The following EPC1 variants were observed in gnomAD, a reference collection of about 807,000 sequenced individuals.
EPC1 encodes the protein enhancer of polycomb 1, also known as enhancer of polycomb homolog 1.
A neutral mutation model predicts 98.4 loss-of-function variants in EPC1; 12 were observed. That is an observed-to-expected ratio of 0.12 (90% CI 0.08 to 0.20). EPC1 has a LOEUF of 0.20. Among genes scored for constraint, EPC1 ranks in the 10% least tolerant of loss-of-function variants. The pLI is 1.00. For synonymous variants in EPC1, 357 were observed against 363.9 expected, an observed-to-expected ratio of 0.98 and a Z score of 0.21; for missense variants, 729 against 990.5, an observed-to-expected ratio of 0.74 and a Z score of 3.54.
chr10:32,344,266 CTG>C (rs2133050155), intron 1 of EPC1, among the ~76,000 whole-genome samples: 1 of 152,346 alleles, frequency 6.6e-6, no homozygotes, highest in Admixed American at 6.5e-5. Flanking sequence ...AACCACAGGA[CTG>C]TAAAGCAGCT....
intron 1 of EPC1, 187 bp downstream of exon 1, chr10:32,346,576 C>A (rs1838832684): frequency 1.6e-6 from 1 of 623,716 alleles, no homozygotes; most frequent in Admixed American, 3.0e-5. Flanking sequence ...TTAGAAGGGG[C>A]CCCGCTGGGC....
intron 1 of EPC1, among the ~76,000 whole-genome samples, chr10:32,372,120 A>T (rs754879965): frequency 6.6e-6 from 1 of 152,196 alleles, no homozygotes; most frequent in Non-Finnish European, 1.5e-5. Flanking sequence ...CAGTGTTCTC[A>T]AATGTTGCTG....
intron 2 of EPC1, among the ~76,000 whole-genome samples, chr10:32,297,598 A>C (rs888805946): frequency 2.0e-5 from 3 of 150,136 alleles, no homozygotes; most frequent in African/African-American, 7.4e-5. Flanking sequence ...ATAATTCTTA[A>C]ATAATAACGA....
chr10:32,330,294 T>G (rs991074129), intron 1 of EPC1, among the ~76,000 whole-genome samples: 1 of 152,200 alleles, frequency 6.6e-6, no homozygotes, highest in South Asian at 2.1e-4. Flanking sequence ...CAATAACATC[T>G]GAAATATTTG....
At chr10:32,326,253 T>A (rs1837268984) in intron 1 of EPC1, among the ~76,000 whole-genome samples, 1 of 152,218 alleles carries the variant, frequency 6.6e-6, no homozygotes, top group Non-Finnish European at 1.5e-5. Context: ...GGCTGTCGTG[T>A]GGCTGGGAGG....
intron 9 of EPC1, chr10:32,286,489 A>G: frequency 1.8e-6 from 1 of 563,744 alleles, no homozygotes; most frequent in Non-Finnish European, 3.0e-6. Context: ...CAGGTCCACT[A>G]GGGACCCAAT....
At chr10:32,293,245 A>T (rs138416073) in intron 3 of EPC1, 51 bp from the exon 4 acceptor site, 3 of 1,342,366 alleles carry the variant, frequency 2.2e-6, no homozygotes, top group Non-Finnish European at 3.1e-6. Context: ...TACAAGGTTC[A>T]TAAGTATTTA....
chr10:32,272,360 A>C (rs1403959204), intron 11 of EPC1, 193 bp from the exon 12 acceptor site: 1 of 507,274 alleles, frequency 2.0e-6, no homozygotes, highest in Non-Finnish European at 3.4e-6. Context: ...ATAAGTGAAA[A>C]GTAATCTAAG....
chr10:32,291,380 G>T, intron 5 of EPC1, 58 bp from the exon 6 acceptor site: 1 of 1,319,944 alleles, frequency 7.6e-7, no homozygotes, highest in Non-Finnish European at 1.1e-6. Flanking sequence ...ACAATGTGAT[G>T]TTTTGATATA....
rs1431266774 is a variant in EPC1, at chr10:32,284,732, C to A, written c.1710G>T (p.Thr570=). Residue 570 remains threonine (T), a synonymous_variant, in exon 10 of 14, where the codon ACG becomes ACT. Transcript: ENST00000319778. The stretch of plus-strand genomic sequence containing the variant: ...CTGAACCACTGCTACTTTTACTTTG[C>A]GTAGAGGTACTGCATGTCTGGGTCC... The part of the protein sequence containing the change: ...QPGTQTCSTS[T]QSKSSSGSAH... The A allele has an allele frequency of 6.2e-7, 1 of 1,613,896 alleles. No homozygotes were observed. Among genetic ancestry groups the A allele is most frequent in the Non-Finnish European group, 8.5e-7 (1 of 1,179,864 alleles).
intron 1 of EPC1, among the ~76,000 whole-genome samples, chr10:32,373,857 T>A (rs761989140): frequency 2.0e-5 from 3 of 152,226 alleles, no homozygotes; most frequent in Admixed American, 6.5e-5. Context: ...GCCACCTGAT[T>A]ACATATTTAG....
intron 1 of EPC1, among the ~76,000 whole-genome samples, chr10:32,327,890 C>T (rs1297541485): frequency 6.6e-6 from 1 of 152,168 alleles, no homozygotes; most frequent in African/African-American, 2.4e-5. Flanking sequence ...CTATGCAGAA[C>T]ATAAATGTAT....
In EPC1 at chr10:32,269,097, A is replaced by T; in HGVS notation, c.2408T>A (p.Ile803Lys). ...CTCCATCGCTACTGTGTTGTCTGCTATGTTGTTCAGTGCTGGCTTTTCTGA... is the reference window on the plus strand; with the variant it reads ...CTCCATCGCTACTGTGTTGTCTGCTTTGTTGTTCAGTGCTGGCTTTTCTGA... The part of the protein sequence containing the change: ...HESEKPALNN[I>K]ADNTVAMEVT The change falls in exon 14 of 14, where the codon ATA becomes AAA. Residue 803 changes from isoleucine to lysine, a missense_variant. Coordinates refer to ENST00000319778, the MANE Select transcript of EPC1 (RefSeq NM_001272004.3). The T allele has an allele frequency of 1.2e-6, 2 of 1,613,992 alleles. No individual in the cohort carries two copies. The highest frequency in any genetic ancestry group is 1.7e-6 in the Non-Finnish European group (2 of 1,179,926).
At chr10:32,376,306 C>T (rs1326539342) in intron 1 of EPC1, among the ~76,000 whole-genome samples, 4 of 151,928 alleles carry the variant, frequency 2.6e-5, no homozygotes, top group African/African-American at 4.8e-5. Context: ...GTTTAGTTTT[C>T]AGAGATTAAA....
chr10:32,321,643 T>TAA (rs991844482), intron 1 of EPC1, among the ~76,000 whole-genome samples: 1 of 145,182 alleles, frequency 6.9e-6, no homozygotes, highest in East Asian at 2.0e-4. Context: ...TAATATTAAG[T>TAA]AAAAAAAAAA....
At chr10:32,345,737 G>A (rs1000694119) in intron 1 of EPC1, 15 of 508,184 alleles carry the variant, frequency 3.0e-5, no homozygotes, top group East Asian at 1.5e-4. Flanking sequence ...TTTACGTGCT[G>A]AAACCCACCC....
intron 6 of EPC1, among the ~76,000 whole-genome samples, chr10:32,290,497 A>AG (rs1836940131): frequency 1.8e-5 from 1 of 56,354 alleles, no homozygotes; most frequent in South Asian, 5.4e-4. Flanking sequence ...AAAAAAAAAA[A>AG]AAAAAAAAAA....
At chr10:32,271,264 T>A (rs1327391264) in intron 13 of EPC1, among the ~76,000 whole-genome samples, 2 of 152,148 alleles carry the variant, frequency 1.3e-5, no homozygotes, top group Admixed American at 6.5e-5. Context: ...GTGCTAGGAT[T>A]ACAGGCGTGA....
At position 32,347,025 on chromosome 10, in the gene EPC1, G is replaced by A; in HGVS notation, c.-110C>T. ...CGCCAACCGCTGCCGGGGACTTGAG[G>A]GGCGGAGCGCAGAGCCCGCCGTCCG... On this transcript the variant is annotated 5_prime_UTR_variant, in exon 1 of 14. Coordinates refer to ENST00000319778, the MANE Select transcript of EPC1 (RefSeq NM_001272004.3). 3 of 1,505,254 alleles carry A rather than the reference G, an allele frequency of 2.0e-6. No homozygotes were observed. The highest frequency in any genetic ancestry group is 1.4e-5 in the African/African-American group (1 of 72,352). The allele number at this position is 1,505,254 out of a possible 1,614,324, so 93.2% of individuals were successfully genotyped here.
Sources: allele counts gnomAD v4.1 joint callset (sites outside exome capture counted in the v4.1 genomes callset), GRCh38; gene constraint gnomAD v4.1.1; transcripts MANE v1.5; gene names NCBI Gene and HGNC (gene_info 2026-07-23, HGNC 2026-07-21).